Variants in AK5 observed in about 807,000 individuals in gnomAD.
AK5 encodes the protein adenylate kinase isoenzyme 5.
AK5 carries 27 observed loss-of-function variants against 69.5 expected under a neutral mutation model. That is an observed-to-expected ratio of 0.39 (90% CI 0.29 to 0.54). The LOEUF (loss-of-function observed/expected upper bound fraction) is 0.54, where lower values mean the gene tolerates loss of function less well. Ranked by LOEUF, AK5 falls within the 20% of genes least tolerant of loss-of-function variation. The pLI is 0.71. For synonymous variants in AK5, 260 were observed against 244.4 expected, an observed-to-expected ratio of 1.06 and a Z score of -0.60; for missense variants, 531 against 700.4, an observed-to-expected ratio of 0.76 and a Z score of 2.73.
At chr1:77,322,116 G>A (rs1419484976) in intron 5 of AK5, among the ~76,000 whole-genome samples, 2 of 152,104 alleles carry the variant, frequency 1.3e-5, no homozygotes, top group Non-Finnish European at 2.9e-5. Context: ...AGCATTGTTT[G>A]AATACATAGT....
intron 6 of AK5, among the ~76,000 whole-genome samples, chr1:77,385,285 G>T (rs987052547): frequency 6.6e-6 from 1 of 151,894 alleles, no homozygotes; most frequent in Non-Finnish European, 1.5e-5. Context: ...TCAGCCTCCC[G>T]AGTAGCTGGG....
At chr1:77,445,777 G>A (rs368558084) in intron 8 of AK5, among the ~76,000 whole-genome samples, 82 of 152,224 alleles carry the variant, frequency 5.4e-4, no homozygotes, top group African/African-American at 1.9e-3. Flanking sequence ...TAGAGATGGG[G>A]TTTCACCATG....
rs369801549 is a variant in AK5, at chr1:77,325,161, GTTTTTTT to G, written c.700-15207_700-15201del. Among the ~76,000 whole-genome samples the G allele has an allele frequency of 9.7e-5, 12 of 123,234 alleles. No individual in the cohort carries two copies. The East Asian group carries it at 2.6e-3, about 26-fold the overall frequency. The allele number at this position is 123,234 out of a possible 152,430, so 80.8% of individuals were successfully genotyped here. The stretch of plus-strand genomic sequence containing the variant: ...CCTGGCTAATTTTTGTAGGTTTTTT[GTTTTTTT>G]TTTTTTTTGTATTTTGTATTTTTTG... On this transcript the variant is annotated intron_variant, in intron 5 of 13. Coordinates refer to ENST00000354567, the MANE Select transcript of AK5 (RefSeq NM_174858.3).
At chr1:77,460,639 A>G (rs1432831748) in intron 8 of AK5, among the ~76,000 whole-genome samples, 2 of 152,258 alleles carry the variant, frequency 1.3e-5, no homozygotes, top group African/African-American at 4.8e-5. Context: ...TTGCAACAAT[A>G]TGGCTGAACA....
intron 12 of AK5, among the ~76,000 whole-genome samples, chr1:77,524,910 GTTTC>G (rs1177220051): frequency 5.3e-5 from 8 of 152,052 alleles, no homozygotes; most frequent in African/African-American, 1.7e-4. Flanking sequence ...TTGTTTGTTT[GTTTC>G]TTTGTTTGTT....
At chr1:77,340,332 A>T in intron 5 of AK5, 45 bp from the exon 6 acceptor site, 1 of 1,544,354 alleles carries the variant, frequency 6.5e-7, no homozygotes, top group Non-Finnish European at 8.9e-7. Context: ...CACATGCATT[A>T]GTTGGTATGT....
At chr1:77,441,051 A>T (rs1652295614) in intron 8 of AK5, among the ~76,000 whole-genome samples, 1 of 152,036 alleles carries the variant, frequency 6.6e-6, no homozygotes, top group Non-Finnish European at 1.5e-5. Flanking sequence ...GCTCAGCCAG[A>T]GGTTCTTTGT....
In AK5 at chr1:77,383,488, A is replaced by G. The variant is rs751347004; in HGVS notation, c.892-27493A>G. On this transcript the variant is annotated intron_variant, in intron 6 of 13. Coordinates refer to ENST00000354567, the MANE Select transcript of AK5 (RefSeq NM_174858.3). The stretch of plus-strand genomic sequence containing the variant: ...TAGTAAAGTGATCATAAAATGAACA[A>G]TAATGAAGGAAAAGAGATGCCATTC... Among the ~76,000 whole-genome samples the G allele has an allele frequency of 5.3e-5, 8 of 152,320 alleles. No homozygotes were observed. The East Asian group carries it at 1.5e-3, about 29-fold the overall frequency.
intron 10 of AK5, among the ~76,000 whole-genome samples, chr1:77,510,820 A>G (rs1018199009): frequency 1.3e-5 from 2 of 151,958 alleles, no homozygotes; most frequent in Non-Finnish European, 2.9e-5. Flanking sequence ...CAGATCCCAT[A>G]CTCAGATACC....
intron 5 of AK5, among the ~76,000 whole-genome samples, chr1:77,320,601 T>C (rs974370148): frequency 6.6e-6 from 1 of 151,782 alleles, no homozygotes; most frequent in Admixed American, 6.6e-5. Flanking sequence ...ATACAAAAAT[T>C]AGCCAGGTAT....
chr1:77,518,278 C>T (rs918561923), intron 10 of AK5, among the ~76,000 whole-genome samples: 4 of 152,168 alleles, frequency 2.6e-5, no homozygotes, highest in African/African-American at 9.7e-5. Context: ...TCACTAACTG[C>T]CTGTGACCAT....
At chr1:77,294,306 G>C (rs968461980) in intron 3 of AK5, among the ~76,000 whole-genome samples, 3 of 152,190 alleles carry the variant, frequency 2.0e-5, no homozygotes, top group Admixed American at 1.3e-4. Flanking sequence ...AGTTTTCTGA[G>C]AGCTGAATGT....
At chr1:77,405,052 G>A (rs982769206) in intron 6 of AK5, among the ~76,000 whole-genome samples, 17 of 152,282 alleles carry the variant, frequency 1.1e-4, no homozygotes, top group African/African-American at 4.1e-4. Context: ...AAATGTGTAT[G>A]TGTTTGAGAG....
intron 1 of AK5, among the ~76,000 whole-genome samples, chr1:77,283,951 T>C (rs1240157823): frequency 1.3e-5 from 2 of 152,216 alleles, no homozygotes. Flanking sequence ...TTTTTCCTCC[T>C]TGGTGGAAGG....
chr1:77,315,558 A>G (rs1279634376), intron 5 of AK5, among the ~76,000 whole-genome samples: 1 of 152,140 alleles, frequency 6.6e-6, no homozygotes. Flanking sequence ...GGATTCAAAG[A>G]TTTGATTAAA....
chr1:77,376,453 A>AAAAAAAAAAG (rs1647254909), intron 6 of AK5, among the ~76,000 whole-genome samples: 1 of 143,746 alleles, frequency 7.0e-6, no homozygotes, highest in African/African-American at 2.6e-5. Flanking sequence ...AAAAAAAACA[A>AAAAAAAAAAG]AAAAAAAAAA....
chr1:77,329,191 A>T (rs1660962052), intron 5 of AK5, among the ~76,000 whole-genome samples: 1 of 124,090 alleles, frequency 8.1e-6, no homozygotes, highest in Non-Finnish European at 1.7e-5. Flanking sequence ...TGTCTCCCTC[A>T]GTGAAAAAAA....
At chr1:77,334,660 C>G (rs1395100286) in intron 5 of AK5, among the ~76,000 whole-genome samples, 3 of 152,012 alleles carry the variant, frequency 2.0e-5, no homozygotes, top group Non-Finnish European at 4.4e-5. Context: ...TCTGACCTGT[C>G]CTTTTTGTTC....
intron 8 of AK5, among the ~76,000 whole-genome samples, chr1:77,475,167 G>GTATATA (rs35137146): frequency 3.2e-4 from 29 of 89,926 alleles, no homozygotes; most frequent in Middle Eastern, 4.8e-3. Flanking sequence ...GTGTGTGCAT[G>GTATATA]TATATATATA....
Sources: gnomAD v4.1 joint callset for allele counts (sites outside exome capture counted in the v4.1 genomes callset) on GRCh38, gnomAD v4.1.1 for gene constraint, MANE v1.5 for transcripts, NCBI Gene and HGNC (gene_info 2026-07-23, HGNC 2026-07-21) for gene names.